The following ACTN1 variants were observed in gnomAD, a reference collection of about 807,000 sequenced individuals.
ACTN1 encodes the protein alpha-actinin-1.
ACTN1 carries 30 observed loss-of-function variants against 119.6 expected under a neutral mutation model. The ratio of observed to expected loss-of-function variants is 0.25; its 90% CI spans 0.19 to 0.34. The LOEUF (loss-of-function observed/expected upper bound fraction) is 0.34. Ranked by LOEUF, ACTN1 falls within the 10% of genes least tolerant of loss-of-function variation. The probability of loss-of-function intolerance (pLI) is 1.00; values close to 1 mark genes in which losing one functional copy is unlikely to be tolerated. For missense variants in ACTN1, 764 were observed against 1,223.4 expected (o/e 0.62, Z 5.60); for synonymous variants, 429 against 472.6 (o/e 0.91, Z 1.20).
In ACTN1 at chr14:68,880,807, C is replaced by T; in HGVS notation, c.2133+3G>A. 4.3e-6 allele frequency: 7 copies of T among 1,613,742 alleles called. No homozygotes were observed. Among genetic ancestry groups the T allele is most frequent in the Non-Finnish European group, 5.9e-6 (7 of 1,179,696 alleles). ...GAAGAGGAACAAGGCCAGCCCCACC[C>T]ACCTCCATGGTGTAGTTGGTGTGCT... On this transcript the variant is annotated splice_donor_region_variant and intron_variant, in intron 17 of 21. Coordinates refer to ENST00000394419, the MANE Select transcript of ACTN1 (RefSeq NM_001130004.2). This position sits in a 1 kb window ranked among gnomAD's most constrained non-coding sequence, Gnocchi z 4.6.
intron 3 of ACTN1, among the ~76,000 whole-genome samples, chr14:68,916,082 A>T (rs7146123): frequency 0.041 from 6,228 of 152,314 alleles, 257 homozygotes; most frequent in African/African-American, 0.099. Context: ...ACTTAGAAAA[A>T]TTTTTTAGCA....
rs1005617009 is a variant in ACTN1 at position 68,890,128 on chromosome 14, G to GCTGGC, written c.1234+6_1234+10dup. On this transcript the variant is annotated intron_variant, in intron 11 of 21. Coordinates refer to ENST00000394419, the MANE Select transcript of ACTN1 (RefSeq NM_001130004.2). ...GCCCTGGGGGGAGGCAGGAGGCTGG[G>GCTGGC]CTGGCCTCACCGTCAGTCCAGGCCT... 4.4e-6 allele frequency: 7 copies of GCTGGC among 1,607,604 alleles called. No individual in the cohort carries two copies. Among genetic ancestry groups the GCTGGC allele is most frequent in the Non-Finnish European group, 5.9e-6 (7 of 1,177,462 alleles).
At position 68,881,955 on chromosome 14, in the gene ACTN1, T is replaced by TTTTTTTTTTTTTTTTTTTTTGA. The variant is rs58500225; in HGVS notation, c.1953+502_1953+503insTCAAAAAAAAAAAAAAAAAAAA. Among the ~76,000 whole-genome samples the TTTTTTTTTTTTTTTTTTTTTGA allele has an allele frequency of 3.2e-4, 33 of 102,974 alleles. 8 individuals are homozygous for TTTTTTTTTTTTTTTTTTTTTGA. The highest frequency in any genetic ancestry group is 1.1e-3 in the African/African-American group (26 of 22,902). The allele number at this position is 102,974 out of a possible 152,430, so 67.6% of individuals were successfully genotyped here. On this transcript the variant is annotated intron_variant, in intron 16 of 21. Transcript: ENST00000394419. ...CAGCTTCTTTTTTTTTTTTTTTTTT[T>TTTTTTTTTTTTTTTTTTTTTGA]GACAGAGTCTTGCTCTGTTGCCCAA...
At chr14:68,959,551 A>G (rs2140594184) in intron 1 of ACTN1, among the ~76,000 whole-genome samples, 1 of 152,348 alleles carries the variant, frequency 6.6e-6, no homozygotes, top group South Asian at 2.1e-4. Context: ...GAAGCTCAGA[A>G]CCAGGGTCAG....
At chr14:68,943,469 C>A (rs2035831359) in intron 1 of ACTN1, among the ~76,000 whole-genome samples, 1 of 152,136 alleles carries the variant, frequency 6.6e-6, no homozygotes, top group African/African-American at 2.4e-5. Context: ...ACCGGGGCTC[C>A]TAGGCTTCAC....
chr14:68,893,642 C>T lies in ACTN1; in HGVS notation c.855+13G>A, dbSNP rs774790514. ...TTGCTAGAGTCAGGCCAGGTGAACC[C>T]GGGGGTACCCACATCACTGGCCAGC... On this transcript the variant is annotated intron_variant, in intron 9 of 21. Coordinates refer to ENST00000394419, the MANE Select transcript of ACTN1 (RefSeq NM_001130004.2). The T allele has an allele frequency of 3.1e-6, 5 of 1,613,132 alleles. No individual in the cohort carries two copies. Among genetic ancestry groups the T allele is most frequent in the Non-Finnish European group, 4.2e-6 (5 of 1,179,528 alleles).
chr14:68,953,373 G>A (rs1473734470), intron 1 of ACTN1, among the ~76,000 whole-genome samples: 1 of 152,092 alleles, frequency 6.6e-6, no homozygotes, highest in East Asian at 1.9e-4. Context: ...CCCACTCCAT[G>A]CCTGAGCCAT....
At chr14:68,896,639 G>C (rs1411279903) in intron 8 of ACTN1, among the ~76,000 whole-genome samples, 1 of 152,106 alleles carries the variant, frequency 6.6e-6, no homozygotes, top group Non-Finnish European at 1.5e-5. Flanking sequence ...TGTGTTCTAG[G>C]GGAGGAAAGA....
chr14:68,928,876 A>G (rs762501593), intron 1 of ACTN1, among the ~76,000 whole-genome samples: 2 of 152,070 alleles, frequency 1.3e-5, no homozygotes, highest in Non-Finnish European at 2.9e-5. Flanking sequence ...TGTTTCCAAG[A>G]TGACAACATG....
intron 21 of ACTN1, among the ~76,000 whole-genome samples, chr14:68,875,810 A>G (rs1033452781): frequency 3.9e-5 from 6 of 152,192 alleles, no homozygotes; most frequent in African/African-American, 1.4e-4. Flanking sequence ...CCTCTACAAA[A>G]TTAGCCACTA....
intron 8 of ACTN1, among the ~76,000 whole-genome samples, chr14:68,897,730 G>A (rs2032984363): frequency 1.3e-5 from 2 of 152,226 alleles, no homozygotes; most frequent in Admixed American, 1.3e-4. Flanking sequence ...TCCGGAGTCA[G>A]CCACCAAGCC....
intron 11 of ACTN1, chr14:68,887,653 G>T (rs193160332): frequency 9.5e-6 from 12 of 1,264,040 alleles, no homozygotes; most frequent in African/African-American, 1.5e-5. Context: ...GATGAGGTGG[G>T]ATACCCTCCT....
intron 1 of ACTN1, among the ~76,000 whole-genome samples, chr14:68,976,119 T>C (rs1270179489): frequency 1.3e-5 from 2 of 152,186 alleles, no homozygotes; most frequent in African/African-American, 4.8e-5. Context: ...TCACAAAGTA[T>C]TTGCTGAATG....
chr14:68,909,276 C>A lies in ACTN1; in HGVS notation c.594+42G>T, dbSNP rs1555350306. 6.2e-7 allele frequency: 1 copy of A among 1,600,468 alleles called. No individual in the cohort carries two copies. On this transcript the variant is annotated intron_variant, in intron 6 of 21. Transcript: ENST00000394419. This position sits in a 1 kb window ranked among gnomAD's most constrained non-coding sequence, Gnocchi z 4.1. ...TAGTCCTGCTCTTTTCCCACCCCAC[C>A]TGCCAGGGACCCAAAGCGGGTGGTC... is the stretch of plus-strand genomic sequence containing the variant.
intron 1 of ACTN1, among the ~76,000 whole-genome samples, chr14:68,929,987 A>C (rs2035145607): frequency 6.6e-6 from 1 of 152,248 alleles, no homozygotes; most frequent in Non-Finnish European, 1.5e-5. Flanking sequence ...TGGAGACAGA[A>C]TCACATTGTC....
chr14:68,891,773 A>AT (rs1414468434), intron 10 of ACTN1, among the ~76,000 whole-genome samples: 4 of 152,094 alleles, frequency 2.6e-5, no homozygotes. Flanking sequence ...CATAGGGATG[A>AT]TTTTTTGTGA....
At chr14:68,912,980 T>A (rs1408855033) in intron 3 of ACTN1, among the ~76,000 whole-genome samples, 1 of 152,188 alleles carries the variant, frequency 6.6e-6, no homozygotes, top group Non-Finnish European at 1.5e-5. Flanking sequence ...GTCACAAACT[T>A]AAAGTTTTGT....
At chr14:68,894,046 G>A (rs930724778) in intron 8 of ACTN1, among the ~76,000 whole-genome samples, 12 of 152,122 alleles carry the variant, frequency 7.9e-5, no homozygotes, top group African/African-American at 2.4e-4. Flanking sequence ...TCCAATGACT[G>A]ATATAATCAA....
chr14:68,918,319 C>A (rs1041418908), intron 3 of ACTN1, among the ~76,000 whole-genome samples: 7 of 152,170 alleles, frequency 4.6e-5, no homozygotes, highest in Non-Finnish European at 5.9e-5. Flanking sequence ...CGGTGGCTCA[C>A]GCCTGTAATC....
Sources: gnomAD v4.1 joint callset for allele counts (sites outside exome capture counted in the v4.1 genomes callset) on GRCh38, gnomAD v4.1.1 for gene constraint, Gnocchi (gnomAD v3.1) non-coding constraint, MANE v1.5 for transcripts, NCBI Gene and HGNC (gene_info 2026-07-23, HGNC 2026-07-21) for gene names.